ACAN: variants seen among roughly 807,000 people sequenced by gnomAD.
The protein encoded by ACAN is aggrecan core protein.
A neutral mutation model predicts 169.1 loss-of-function variants in ACAN; 47 were observed. The observed-to-expected ratio is 0.28, with a 90% CI of 0.22 to 0.35. The LOEUF is 0.35. Among genes scored for constraint, ACAN ranks in the 10% least tolerant of loss-of-function variants. The pLI is 1.00. For synonymous variants in ACAN, 1,115 were observed against 1,112.2 expected, an observed-to-expected ratio of 1.00 and a Z score of -0.05; for missense variants, 2,716 against 2,759.9, an observed-to-expected ratio of 0.98 and a Z score of 0.36.
intron 11 of ACAN, 122 bp downstream of exon 11, chr15:88,852,155 A>G: frequency 1.4e-6 from 2 of 1,380,580 alleles, no homozygotes; most frequent in Non-Finnish European, 1.9e-6. Flanking sequence ...CAGCCCTGAC[A>G]CTGGCTGGGT....
At chr15:88,847,810 C>T (rs1747932810) in intron 8 of ACAN, 101 bp from the exon 9 acceptor site, 3 of 1,408,668 alleles carry the variant, frequency 2.1e-6, no homozygotes, top group Admixed American at 2.3e-5. Context: ...CAACTGAAGA[C>T]ATCTCCAAGT....
At chr15:88,847,524 G>A (rs901660526) in intron 8 of ACAN, 107 bp downstream of exon 8, 52 of 1,293,786 alleles carry the variant, frequency 4.0e-5, no homozygotes, top group Non-Finnish European at 4.7e-5. Flanking sequence ...TACCTTGTGG[G>A]TTAATGAATG....
chr15:88,838,946 G>A lies in ACAN; in HGVS notation c.354G>A (p.Leu118=), dbSNP rs765604626. The A allele has an allele frequency of 6.2e-7, 1 of 1,613,908 alleles. No individual in the cohort carries two copies. Among genetic ancestry groups the A allele is most frequent in the Non-Finnish European group, 8.5e-7 (1 of 1,179,906 alleles). The part of the protein sequence containing the change: ...NYPAIPSDAT[L]EVQSLRSNDS... ...CGGCCATCCCCAGTGACGCCACCTT[G>A]GAAGTCCAGAGCCTGCGCTCCAATG... is the stretch of plus-strand genomic sequence containing the variant. Residue 118 remains leucine, a synonymous_variant, in exon 3 of 19, where the codon TTG becomes TTA. Transcript: ENST00000560601. This position sits in a 1 kb window ranked among gnomAD's most constrained non-coding sequence, Gnocchi z 5.1.
chr15:88,840,121 G>T lies in ACAN; in HGVS notation c.564G>T (p.Leu188=). The T allele has an allele frequency of 6.2e-7, 1 of 1,606,140 alleles. No homozygotes were observed. The highest frequency in any genetic ancestry group is 8.5e-7 in the Non-Finnish European group (1 of 1,176,650). The change falls in exon 4 of 19, where the codon CTG becomes CTT. Residue 188 remains leucine (L), a synonymous_variant. Transcript: ENST00000560601. ...CCATCATTGCCACGCCTGAGCAGCT[G>T]CAGGCCGCCTACGAAGACGGCTTCC... is the stretch of plus-strand genomic sequence containing the variant. ...NSAIIATPEQ[L]QAAYEDGFHQ...
Position 88,869,935 on chromosome 15 carries a change from C to T in ACAN, c.7061-1447C>T, listed in dbSNP as rs1449344560. On this transcript the variant is annotated intron_variant, in intron 14 of 18. Transcript: ENST00000560601. The surrounding 1 kb of genome is among the most constrained non-coding windows in gnomAD (Gnocchi z 4.2). ...CTCCCAGAGAAGTTGCACCCTCCAG[C>T]TCTGCCTGCCCAGCTCAGCCCTTAG... 6.6e-6 allele frequency among the ~76,000 whole-genome samples: 1 copy of T among 152,154 alleles called. No homozygotes were observed. Among genetic ancestry groups the T allele is most frequent in the Non-Finnish European group, 1.5e-5 (1 of 68,022 alleles).
chr15:88,848,844 T>G (rs918860326), intron 9 of ACAN, among the ~76,000 whole-genome samples: 1 of 152,130 alleles, frequency 6.6e-6, no homozygotes, highest in Non-Finnish European at 1.5e-5. Flanking sequence ...ACATCAGAGG[T>G]TTTTTTGAGT....
intron 1 of ACAN, among the ~76,000 whole-genome samples, chr15:88,818,364 T>A (rs1412634489): frequency 6.6e-6 from 1 of 152,224 alleles, no homozygotes; most frequent in East Asian, 1.9e-4. Context: ...GAGGTTCAGC[T>A]GCAATGCAGT....
chr15:88,859,003 A>C lies in ACAN; in HGVS notation c.6418A>C (p.Asn2140His). 1 of 1,613,970 alleles carries C rather than the reference A, an allele frequency of 6.2e-7. No individual in the cohort carries two copies. The highest frequency in any genetic ancestry group is 8.5e-7 in the Non-Finnish European group (1 of 1,179,888). Reference protein sequence around the residue: ...SETTSAFHEANLERSSGLGVS... With the variant: ...SETTSAFHEAHLERSSGLGVS... ...AACCACCTCTGCATTCCACGAAGCT[A>C]ACCTTGAGAGATCCTCTGGCCTAGG... Residue 2140 changes from asparagine (N) to histidine (H), a missense_variant, in exon 12 of 19, where the codon AAC (asparagine) becomes CAC (histidine). Coordinates refer to ENST00000560601, the MANE Select transcript of ACAN (RefSeq NM_001369268.1).
At position 88,827,979 on chromosome 15, in the gene ACAN, C is replaced by T. The variant is rs1426401491; in HGVS notation, c.-7-8221C>T. Among the ~76,000 whole-genome samples the T allele has an allele frequency of 4.6e-5, 7 of 152,286 alleles. No homozygotes were observed. In the East Asian group the frequency reaches 1.4e-3, roughly 29 times the overall value. On this transcript the variant is annotated intron_variant, in intron 1 of 18. Coordinates refer to ENST00000560601, the MANE Select transcript of ACAN (RefSeq NM_001369268.1). ...GCTCCCACCCTGGCCATCGCACCCA[C>T]CCATGCACACATCCCTTAAGTGGTT... is the stretch of plus-strand genomic sequence containing the variant.
intron 1 of ACAN, among the ~76,000 whole-genome samples, chr15:88,828,580 A>G (rs16942267): frequency 0.043 from 6,597 of 152,270 alleles, 257 homozygotes; most frequent in East Asian, 0.14. Context: ...GAATGTGCTC[A>G]ATAGGCAAGC....
Position 88,871,261 on chromosome 15 carries a change from C to T in ACAN, c.7061-121C>T. ...ACTCCTCCAGCTGTGCCTCTCCCTT[C>T]CCTTGAGGGCACAGCATGGAAGGTG... On this transcript the variant is annotated intron_variant, in intron 14 of 18. Transcript: ENST00000560601. This position sits in a 1 kb window ranked among gnomAD's most constrained non-coding sequence, Gnocchi z 7.8. 2.2e-6 allele frequency: 3 copies of T among 1,386,970 alleles called. No individual in the cohort carries two copies. The highest frequency in any genetic ancestry group is 3.0e-6 in the Non-Finnish European group (3 of 1,014,814). 85.9% of individuals were successfully genotyped at this position (1,386,970 alleles called of 1,614,324 possible).
rs267604363 is a variant in ACAN, at chr15:88,847,365, G to A, written c.1552G>A (p.Glu518Lys). Residue 518 changes from glutamate (E) to lysine (K), a missense_variant, in exon 8 of 19, where the codon GAA (glutamate) becomes AAA (lysine). Transcript: ENST00000560601. ...GCCGGAGCAGCTCCAGGCCGCCTAC[G>A]AAGCAGGCTATGAGCAGTGTGACGC... ...ASPEQLQAAY[E>K]AGYEQCDAGW... 22 of 1,593,058 alleles carry A rather than the reference G, an allele frequency of 1.4e-5. No individual in the cohort carries two copies. The Admixed American group carries it at 2.4e-4, about 18-fold the overall frequency.
chr15:88,808,929 G>GA (rs948564846), intron 1 of ACAN, among the ~76,000 whole-genome samples: 50 of 152,240 alleles, frequency 3.3e-4, no homozygotes, highest in Admixed American at 1.1e-3. Flanking sequence ...TGGTAAATTA[G>GA]AAAAAATGTG....
intron 8 of ACAN, among the ~76,000 whole-genome samples, chr15:88,847,680 T>G (rs1304442626): frequency 6.6e-6 from 1 of 152,146 alleles, no homozygotes; most frequent in Non-Finnish European, 1.5e-5. Flanking sequence ...CCCAGTGCCC[T>G]TCCATGCAGC....
At chr15:88,812,733 G>T (rs977430675) in intron 1 of ACAN, among the ~76,000 whole-genome samples, 4 of 151,996 alleles carry the variant, frequency 2.6e-5, no homozygotes, top group Non-Finnish European at 1.5e-5. Context: ...CCCATCCCCT[G>T]CATTTTTCTT....
At chr15:88,803,846 A>AGG (rs1353007108) in intron 1 of ACAN, 37 bp downstream of exon 1, 6 of 152,382 alleles carry the variant, frequency 3.9e-5, no homozygotes, top group African/African-American at 1.2e-4. Flanking sequence ...AGGCTCTCCC[A>AGG]GGGCGCCCGG....
intron 1 of ACAN, among the ~76,000 whole-genome samples, chr15:88,826,174 T>C (rs973573190): frequency 4.6e-5 from 7 of 152,094 alleles, no homozygotes; most frequent in African/African-American, 4.8e-5. Flanking sequence ...ACCCACAGGT[T>C]GACTAGTAGG....
chr15:88,817,767 T>C (rs1314864284), intron 1 of ACAN, among the ~76,000 whole-genome samples: 1 of 143,262 alleles, frequency 7.0e-6, no homozygotes, highest in Non-Finnish European at 1.5e-5. Flanking sequence ...GGTGGGAGGA[T>C]TGCTTGAGCC....
rs929975556 is a variant in ACAN, at chr15:88,853,448, G to T, written c.2267-1404G>T. 2.0e-5 allele frequency among the ~76,000 whole-genome samples: 3 copies of T among 152,174 alleles called. No individual in the cohort carries two copies. In the East Asian group the frequency reaches 5.8e-4, roughly 29 times the overall value. ...AGGCCAGGAGTTCAAGACCAGCCTG[G>T]CCAACATGGCAAAACCCAGTGTCTA... On this transcript the variant is annotated intron_variant, in intron 11 of 18. Coordinates refer to ENST00000560601, the MANE Select transcript of ACAN (RefSeq NM_001369268.1).
Sources: allele counts gnomAD v4.1 joint callset (sites outside exome capture counted in the v4.1 genomes callset), GRCh38; gene constraint gnomAD v4.1.1; non-coding constraint Gnocchi (gnomAD v3.1); transcripts MANE v1.5; gene names NCBI Gene and HGNC (gene_info 2026-07-23, HGNC 2026-07-21).